MMADHC: variants seen among roughly 807,000 people sequenced by gnomAD.
The protein encoded by MMADHC is cobalamin trafficking protein CblD.
MMADHC carries 23 observed loss-of-function variants against 36.3 expected under a neutral mutation model. The observed-to-expected ratio is 0.63, with a 90% CI of 0.46 to 0.90. The LOEUF (loss-of-function observed/expected upper bound fraction) is 0.90. Ranked by LOEUF, MMADHC falls within the 40% of genes least tolerant of loss-of-function variation. The pLI is 0.00. For missense variants in MMADHC, 330 were observed against 348.0 expected, an observed-to-expected ratio of 0.95 and a Z score of 0.41; for synonymous variants, 97 against 116.1, an observed-to-expected ratio of 0.84 and a Z score of 1.06.
intron 6 of MMADHC, among the ~76,000 whole-genome samples, chr2:149,571,886 T>C (rs1464993171): frequency 1.3e-5 from 2 of 152,208 alleles, no homozygotes; most frequent in African/African-American, 2.4e-5. Flanking sequence ...TAAAAACATT[T>C]ACTTGTTTGT....
Position 149,569,843 on chromosome 2 carries a change from T to G in MMADHC, c.*131A>C. The G allele has an allele frequency of 1.2e-6, 1 of 824,036 alleles. No individual in the cohort carries two copies. Among genetic ancestry groups the G allele is most frequent in the Non-Finnish European group, 1.9e-6 (1 of 525,328 alleles). The allele number at this position is 824,036 out of a possible 1,614,324, so 51.0% of individuals were successfully genotyped here. On this transcript the variant is annotated 3_prime_UTR_variant, in exon 8 of 8. Coordinates refer to ENST00000303319, the MANE Select transcript of MMADHC (RefSeq NM_015702.3). ...TTTAAAATCCCAAATCACTTGCCAA[T>G]GTTGTAAATTCATAAATGCTGAAAT... is the stretch of plus-strand genomic sequence containing the variant.
At chr2:149,582,412 A>G (rs1254476527) in intron 2 of MMADHC, 141 bp from the exon 3 acceptor site, 3 of 711,104 alleles carry the variant, frequency 4.2e-6, no homozygotes, top group Non-Finnish European at 7.2e-6. Flanking sequence ...CTACTATATG[A>G]AAGCATTATA....
chr2:149,570,935 G>A (rs1682629464), intron 7 of MMADHC, 150 bp downstream of exon 7: 1 of 609,610 alleles, frequency 1.6e-6, no homozygotes, highest in South Asian at 2.4e-5. Context: ...CTCAAAAGTT[G>A]AGAATTCAAC....
chr2:149,579,495 A>C lies in MMADHC; in HGVS notation c.308T>G (p.Leu103Arg). 1.9e-6 allele frequency: 3 copies of C among 1,613,044 alleles called. No homozygotes were observed. Among genetic ancestry groups the C allele is most frequent in the Non-Finnish European group, 2.5e-6 (3 of 1,180,000 alleles). Residue 103 changes from leucine to arginine, a missense_variant, in exon 4 of 8, where the codon CTA becomes CGA. Physicochemically the swap from Leu to Arg is moderately radical, Grantham distance 102 (BLOSUM62 -2). Coordinates refer to ENST00000303319, the MANE Select transcript of MMADHC (RefSeq NM_015702.3). Reference protein sequence around the residue: ...SLVHKTLPDVLAEPLSSERHE... With the variant: ...SLVHKTLPDVRAEPLSSERHE... ...TCTTTCACTTGATAAAGGTTCTGCTAGAACATCAGGCAAAGTTTTATGAAC... is the reference window on the plus strand; with the variant it reads ...TCTTTCACTTGATAAAGGTTCTGCTCGAACATCAGGCAAAGTTTTATGAAC...
chr2:149,587,462 A>G (rs2105053942), intron 1 of MMADHC: 1 of 361,840 alleles, frequency 2.8e-6, no homozygotes, highest in East Asian at 5.6e-5. Flanking sequence ...CTTTAACAGA[A>G]GTTGGGGCTG....
intron 2 of MMADHC, among the ~76,000 whole-genome samples, chr2:149,585,677 G>A (rs1682859269): frequency 6.6e-6 from 1 of 152,138 alleles, no homozygotes; most frequent in African/African-American, 2.4e-5. Flanking sequence ...TCCCCATGAA[G>A]GCTTCTTAAT....
intron 6 of MMADHC, among the ~76,000 whole-genome samples, chr2:149,571,758 C>G (rs557807980): frequency 7.2e-6 from 1 of 139,710 alleles, no homozygotes; most frequent in African/African-American, 2.7e-5. Context: ...CCAGCCTGGG[C>G]GACAGAGCGA....
intron 2 of MMADHC, among the ~76,000 whole-genome samples, 185 bp from the exon 3 acceptor site, chr2:149,582,456 TA>T (rs1162770598): frequency 2.0e-5 from 3 of 152,002 alleles, no homozygotes; most frequent in Non-Finnish European, 4.4e-5. Context: ...AAATAAAAAT[TA>T]AAAAAACAAG....
In MMADHC at chr2:149,570,080, C is replaced by T. The variant is rs758056552; in HGVS notation, c.785G>A (p.Cys262Tyr). The change falls in exon 8 of 8, where the codon TGT becomes TAT. Residue 262 changes from cysteine (C) to tyrosine (Y), a missense_variant. Transcript: ENST00000303319. ...CCAGAGACTATGACGAATCACTTTA[C>T]AGCATCCAAGGTCATCAACAGAGAA... The part of the protein sequence containing the change: ...LGFSVDDLGC[C>Y]KVIRHSLWGT... The T allele has an allele frequency of 7.4e-6, 12 of 1,613,590 alleles. No individual in the cohort carries two copies. The highest frequency in any genetic ancestry group is 1.3e-5 in the African/African-American group (1 of 74,904).
In MMADHC at chr2:149,582,334, A is replaced by G; in HGVS notation, c.10-63T>C. 6 of 1,552,140 alleles carry G rather than the reference A, an allele frequency of 3.9e-6. No homozygotes were observed. In the South Asian group the frequency reaches 6.9e-5, roughly 18 times the overall value. ...TATAAATGTTATACTTACATAGACAATCTCTGGCAAATCTTCACACTGCAA... is the reference window on the plus strand; with the variant it reads ...TATAAATGTTATACTTACATAGACAGTCTCTGGCAAATCTTCACACTGCAA... On this transcript the variant is annotated intron_variant, in intron 2 of 7. Coordinates refer to ENST00000303319, the MANE Select transcript of MMADHC (RefSeq NM_015702.3).
chr2:149,582,105 A>T (rs1682802341), intron 3 of MMADHC, 22 bp downstream of exon 3: 1 of 1,612,948 alleles, frequency 6.2e-7, no homozygotes, highest in Admixed American at 1.7e-5. Flanking sequence ...TTATAAGTAA[A>T]GCAGTAACAA....
At chr2:149,585,312 A>C (rs894828008) in intron 2 of MMADHC, among the ~76,000 whole-genome samples, 3 of 152,180 alleles carry the variant, frequency 2.0e-5, no homozygotes, top group African/African-American at 4.8e-5. Context: ...TAAAATCCTT[A>C]TTAGTATATA....
At chr2:149,572,352 G>T in intron 6 of MMADHC, 1 of 166,082 alleles carries the variant, frequency 6.0e-6, no homozygotes. Flanking sequence ...AAAAAATCAA[G>T]GGCACAGTTC....
At position 149,580,167 on chromosome 2, in the gene MMADHC, A is replaced by G. The variant is rs184127370; in HGVS notation, c.155-519T>C. Among the ~76,000 whole-genome samples the G allele has an allele frequency of 3.9e-5, 6 of 152,204 alleles. No individual in the cohort carries two copies. In the East Asian group the frequency reaches 1.2e-3, roughly 29 times the overall value. On this transcript the variant is annotated intron_variant, in intron 3 of 7. Transcript: ENST00000303319. ...ATCACTGGTGCACACCACTATGCCC[A>G]GCTAATTTTGTTTATTTTTGGTAGA...
intron 5 of MMADHC, 55 bp from the exon 6 acceptor site, chr2:149,575,896 A>C: frequency 7.2e-7 from 1 of 1,391,170 alleles, no homozygotes; most frequent in Non-Finnish European, 1.0e-6. Flanking sequence ...TTAAAGAACA[A>C]ATTTTTAAAG....
Position 149,576,468 on chromosome 2 carries a change from T to G in MMADHC, c.447A>C (p.Ala149=). 1 of 1,613,384 alleles carries G rather than the reference T, an allele frequency of 6.2e-7. No homozygotes were observed. Among genetic ancestry groups the G allele is most frequent in the Non-Finnish European group, 8.5e-7 (1 of 1,179,400 alleles). ...TYFESARVEC[A]IQTCPELLRK... is the part of the protein sequence containing the mutation. ...GCAGCAATTCTGGACATGTCTGTATTGCACACTCTACTCTGGCACTTTCAA... is the reference window on the plus strand; with the variant it reads ...GCAGCAATTCTGGACATGTCTGTATGGCACACTCTACTCTGGCACTTTCAA... Residue 149 remains alanine (A), a synonymous_variant, in exon 5 of 8, where the codon GCA becomes GCC. Coordinates refer to ENST00000303319, the MANE Select transcript of MMADHC (RefSeq NM_015702.3).
intron 2 of MMADHC, 145 bp from the exon 3 acceptor site, chr2:149,582,416 CATT>C: frequency 1.6e-6 from 1 of 620,546 alleles, no homozygotes; most frequent in Non-Finnish European, 2.7e-6. Flanking sequence ...TATATGAAAG[CATT>C]ATATATATTT....
intron 2 of MMADHC, 156 bp downstream of exon 2, chr2:149,586,933 A>G (rs531254953): frequency 6.8e-6 from 5 of 736,470 alleles, no homozygotes; most frequent in Non-Finnish European, 9.6e-6. Context: ...TCTTCAAAGC[A>G]TAACATAATT....
chr2:149,584,977 G>A (rs575310949), intron 2 of MMADHC, among the ~76,000 whole-genome samples: 23 of 150,136 alleles, frequency 1.5e-4, no homozygotes, highest in Admixed American at 9.4e-4. Context: ...CAGGAGCCAG[G>A]ATTTCAGTGA....
Sources: gnomAD v4.1 joint callset for allele counts (sites outside exome capture counted in the v4.1 genomes callset) on GRCh38, gnomAD v4.1.1 for gene constraint, MANE v1.5 for transcripts, NCBI Gene and HGNC (gene_info 2026-07-23, HGNC 2026-07-21) for gene names.